Variants in ALK observed in about 807,000 individuals in gnomAD.
ALK encodes the protein ALK tyrosine kinase receptor.
Under a neutral mutation model 163.1 loss-of-function variants are expected in ALK, and 74 were observed. The observed-to-expected ratio is 0.45, with a 90% confidence interval of 0.38 to 0.55. ALK has a LOEUF of 0.55. Among genes scored for constraint, ALK ranks in the 20% least tolerant of loss-of-function variants. The pLI is 0.00. For missense variants in ALK, 2,063 were observed against 2,105.3 expected (o/e 0.98, Z 0.39); for synonymous variants, 960 against 843.2 (o/e 1.14, Z -2.40).
chr2:29,411,169 G>C (rs1390978497), intron 4 of ALK, among the ~76,000 whole-genome samples: 6 of 152,256 alleles, frequency 3.9e-5, no homozygotes, highest in African/African-American at 1.4e-4. Flanking sequence ...CACATGGTCA[G>C]GATCATCAGT....
chr2:29,844,804 G>A lies in ALK; in HGVS notation c.667+75189C>T, dbSNP rs531828676. On this transcript the variant is annotated intron_variant, in intron 1 of 28. Transcript: ENST00000389048. The stretch of plus-strand genomic sequence containing the variant: ...AGTTTAAAAGTATGTGTTTGATGTT[G>A]CTAGCAGCAGAGATGAGCTGAGAAT... Among the ~76,000 whole-genome samples the A allele has an allele frequency of 1.6e-4, 25 of 152,066 alleles. No individual in the cohort carries two copies. The South Asian group carries it at 5.2e-3, about 32-fold the overall frequency.
At chr2:29,514,149 G>A (rs562198988) in intron 4 of ALK, among the ~76,000 whole-genome samples, 3 of 140,490 alleles carry the variant, frequency 2.1e-5, no homozygotes, top group African/African-American at 8.2e-5. Flanking sequence ...CCCATTACTG[G>A]GTATATATCC....
At chr2:29,238,992 C>A (rs929279980) in intron 13 of ALK, among the ~76,000 whole-genome samples, 1 of 152,104 alleles carries the variant, frequency 6.6e-6, no homozygotes, top group African/African-American at 2.4e-5. Context: ...AATAAATTCC[C>A]GTGAAAATTA....
In ALK at chr2:29,828,499, G is replaced by A. The variant is rs866155660; in HGVS notation, c.667+91494C>T. On this transcript the variant is annotated intron_variant, in intron 1 of 28. Coordinates refer to ENST00000389048, the MANE Select transcript of ALK (RefSeq NM_004304.5). ...AAAACAACCCCATCAAAAAGTGGGC[G>A]AAGGATATGAACAGACACTTCTCAA... is the stretch of plus-strand genomic sequence containing the variant. Among the ~76,000 whole-genome samples, 200 of 152,076 alleles carry A rather than the reference G, an allele frequency of 1.3e-3. 1 individual carries two copies. The highest frequency in any genetic ancestry group is 4.4e-3 in the African/African-American group (183 of 41,512).
chr2:29,339,665 G>A (rs1340400136), intron 5 of ALK, among the ~76,000 whole-genome samples: 1 of 152,214 alleles, frequency 6.6e-6, no homozygotes, highest in Non-Finnish European at 1.5e-5. Context: ...GCAAGTCACG[G>A]AGGCAGCTTG....
At chr2:29,332,157 G>A (rs958326617) in intron 5 of ALK, among the ~76,000 whole-genome samples, 2 of 151,428 alleles carry the variant, frequency 1.3e-5, no homozygotes, top group South Asian at 2.1e-4. Context: ...GTGATGGCAC[G>A]TGCCTGTAGT....
rs554095942 is a variant in ALK, at chr2:29,332,550, C to T, written c.1283-4069G>A. 3.3e-5 allele frequency among the ~76,000 whole-genome samples: 5 copies of T among 152,288 alleles called. No individual in the cohort carries two copies. In the South Asian group the frequency reaches 8.3e-4, roughly 25 times the overall value. ...AAAGAAAATGCCCAGAATCCCACCACCCAGAGGCCACCATTTTTAACATCT... is the reference window on the plus strand; with the variant it reads ...AAAGAAAATGCCCAGAATCCCACCATCCAGAGGCCACCATTTTTAACATCT... On this transcript the variant is annotated intron_variant, in intron 5 of 28. Transcript: ENST00000389048.
intron 4 of ALK, among the ~76,000 whole-genome samples, chr2:29,394,785 ACT>A (rs1376217494): frequency 1.3e-5 from 2 of 151,942 alleles, no homozygotes; most frequent in Admixed American, 6.5e-5. Flanking sequence ...TGGTTTCCTA[ACT>A]CTCTCTTTCT....
intron 3 of ALK, among the ~76,000 whole-genome samples, chr2:29,549,898 A>G (rs998200324): frequency 1.3e-5 from 2 of 152,218 alleles, no homozygotes; most frequent in African/African-American, 4.8e-5. Flanking sequence ...TAGAAAATCC[A>G]AAAGGACATT....
chr2:29,200,877 A>T (rs1312165599), intron 26 of ALK, among the ~76,000 whole-genome samples: 1 of 149,580 alleles, frequency 6.7e-6, no homozygotes, highest in Non-Finnish European at 1.5e-5. Flanking sequence ...GTATATATAT[A>T]TTTTTAAACT....
chr2:29,893,466 G>C (rs1055785153), intron 1 of ALK, among the ~76,000 whole-genome samples: 2 of 152,138 alleles, frequency 1.3e-5, no homozygotes, highest in Admixed American at 1.3e-4. Flanking sequence ...AAACTATAAA[G>C]AGGTGTATAA....
chr2:29,751,224 A>G (rs1210612872), intron 1 of ALK, among the ~76,000 whole-genome samples: 1 of 152,204 alleles, frequency 6.6e-6, no homozygotes, highest in Admixed American at 6.5e-5. Flanking sequence ...AGGAGTGGTG[A>G]GTGAGGGTGG....
rs1439491849 is a variant in ALK at position 29,259,592 on chromosome 2, G to A, written c.2042-8325C>T. Among the ~76,000 whole-genome samples, 3 of 152,080 alleles carry A rather than the reference G, an allele frequency of 2.0e-5. No individual in the cohort carries two copies. In the East Asian group the frequency reaches 5.8e-4, roughly 29 times the overall value. On this transcript the variant is annotated intron_variant, in intron 11 of 28. Transcript: ENST00000389048. The stretch of plus-strand genomic sequence containing the variant: ...TACTCATTTTCTTGTTATATAAAGT[G>A]TTGCTGTCAAAAACTGATAATTTTA...
chr2:29,222,075 A>C (rs1242491248), intron 22 of ALK, among the ~76,000 whole-genome samples: 1 of 152,154 alleles, frequency 6.6e-6, no homozygotes, highest in African/African-American at 2.4e-5. Context: ...AGGGAAGAAG[A>C]ACCAGTGGAT....
At chr2:29,801,517 T>C (rs1028350587) in intron 1 of ALK, among the ~76,000 whole-genome samples, 1 of 152,238 alleles carries the variant, frequency 6.6e-6, no homozygotes, top group Admixed American at 6.5e-5. Context: ...GCATTCTGTA[T>C]GCTATTGCTG....
rs897652080 is a variant in ALK at position 29,920,177 on chromosome 2, C to G, written c.483G>C (p.Ala161=). 2.5e-6 allele frequency: 4 copies of G among 1,613,306 alleles called. No individual in the cohort carries two copies. The highest frequency in any genetic ancestry group is 1.3e-5 in the African/African-American group (1 of 74,942). The change falls in exon 1 of 29, where the codon GCG becomes GCC. Residue 161 remains alanine, a synonymous_variant. Coordinates refer to ENST00000389048, the MANE Select transcript of ALK (RefSeq NM_004304.5). ...LEGCVGPPGE[A]AVGLLQFNLS... ...GATTGAACTGGAGCAGCCCCACAGC[C>G]GCCTCCCCGGGGGGCCCGACGCAAC...
chr2:29,777,599 A>G (rs537786629), intron 1 of ALK, among the ~76,000 whole-genome samples: 10 of 152,220 alleles, frequency 6.6e-5, no homozygotes, highest in African/African-American at 1.9e-4. Context: ...TCTTGGTGCA[A>G]TGTATCTCAG....
chr2:29,767,876 C>T (rs1335588035), intron 1 of ALK, among the ~76,000 whole-genome samples: 1 of 152,192 alleles, frequency 6.6e-6, no homozygotes, highest in African/African-American at 2.4e-5. Context: ...GATGAAAGGA[C>T]ATAACTCCAA....
intron 3 of ALK, among the ~76,000 whole-genome samples, chr2:29,537,638 A>T (rs1386811571): frequency 1.3e-5 from 2 of 152,226 alleles, no homozygotes; most frequent in South Asian, 4.1e-4. Flanking sequence ...CCACTGGGGC[A>T]CTTCCTAGTG....
Sources: gnomAD v4.1 joint callset for allele counts (sites outside exome capture counted in the v4.1 genomes callset) on GRCh38, gnomAD v4.1.1 for gene constraint, MANE v1.5 for transcripts, NCBI Gene and HGNC (gene_info 2026-07-23, HGNC 2026-07-21) for gene names.